Variants in CFAP418 observed in about 807,000 individuals in gnomAD.
CFAP418 encodes the protein cilia- and flagella-associated protein 418.
CFAP418 carries 27 observed loss-of-function variants against 24.7 expected under a neutral mutation model. The ratio of observed to expected loss-of-function variants is 1.09; its 90% confidence interval spans 0.81 to 1.51. The LOEUF (loss-of-function observed/expected upper bound fraction) is 1.51. Ranked by LOEUF, CFAP418 falls within the 40% of genes most tolerant of loss-of-function variation. CFAP418 has a pLI of 0.00. For synonymous variants in CFAP418, 74 were observed against 87.3 expected, an observed-to-expected ratio of 0.85 and a Z score of 0.85; for missense variants, 257 against 255.2, an observed-to-expected ratio of 1.01 and a Z score of -0.05.
In CFAP418 at chr8:95,263,690, G is replaced by C. The variant is rs1443069813; in HGVS notation, c.240C>G (p.Pro80=). The change falls in exon 2 of 6, where the codon CCC becomes CCG. Residue 80 remains proline (P), a synonymous_variant. Coordinates refer to ENST00000286688, the MANE Select transcript of CFAP418 (RefSeq NM_177965.4). The stretch of plus-strand genomic sequence containing the variant: ...ATATTTATAACACTTGACTTACAGA[G>C]GGTTTTTTGTCCAAGTTGGGCTCTT... The part of the protein sequence containing the change: ...ILEEPNLDKK[P]SKLKSKSSGN... 1.3e-6 allele frequency: 2 copies of C among 1,582,094 alleles called. No homozygotes were observed. The highest frequency in any genetic ancestry group is 1.7e-6 in the Non-Finnish European group (2 of 1,151,938).
intron 1 of CFAP418, 65 bp downstream of exon 1, chr8:95,268,970 A>AG (rs1812086807): frequency 6.5e-7 from 1 of 1,529,678 alleles, no homozygotes; most frequent in Non-Finnish European, 8.9e-7. Flanking sequence ...TGGGCGGCGG[A>AG]GGGGCAGCTC....
At chr8:95,250,143 T>C (rs1474211957) in intron 5 of CFAP418, among the ~76,000 whole-genome samples, 2 of 152,192 alleles carry the variant, frequency 1.3e-5, no homozygotes, top group African/African-American at 4.8e-5. Context: ...TAAACACCAA[T>C]ATATTGTACA....
intron 5 of CFAP418, among the ~76,000 whole-genome samples, chr8:95,248,236 T>C (rs1811657228): frequency 6.6e-6 from 1 of 152,228 alleles, no homozygotes; most frequent in South Asian, 2.1e-4. Flanking sequence ...TTTCTGATGG[T>C]ATTTCTTTGA....
chr8:95,245,374 T>A lies in CFAP418; in HGVS notation c.*2243A>T, dbSNP rs935844627. 6 of 152,198 alleles carry A rather than the reference T, an allele frequency of 3.9e-5. No homozygotes were observed. 9.4% of individuals were successfully genotyped at this position (152,198 alleles called of 1,614,324 possible). Reference sequence around the variant, plus strand: ...CATTGGGGGATTATTATAATTATTATGTTATGGAATGCCAAACATAGGCAA... The same window carrying A: ...CATTGGGGGATTATTATAATTATTAAGTTATGGAATGCCAAACATAGGCAA... On this transcript the variant is annotated 3_prime_UTR_variant, in exon 6 of 6. Coordinates refer to ENST00000286688, the MANE Select transcript of CFAP418 (RefSeq NM_177965.4).
intron 2 of CFAP418, 142 bp from the exon 3 acceptor site, chr8:95,260,674 A>G (rs1049343213): frequency 1.8e-6 from 1 of 547,334 alleles, no homozygotes; most frequent in African/African-American, 2.0e-5. Flanking sequence ...TTCTGAAATA[A>G]AAACAATGAT....
intron 4 of CFAP418, among the ~76,000 whole-genome samples, chr8:95,256,254 A>G (rs1347155552): frequency 6.6e-6 from 1 of 152,236 alleles, no homozygotes; most frequent in Non-Finnish European, 1.5e-5. Context: ...TAAAAACAGA[A>G]GGCACCTGTA....
intron 4 of CFAP418, 89 bp from the exon 5 acceptor site, chr8:95,252,372 A>G: frequency 1.3e-6 from 1 of 763,052 alleles, no homozygotes. Context: ...AGGATACACC[A>G]CATATTACAG....
chr8:95,250,966 T>C (rs995320354), intron 5 of CFAP418, among the ~76,000 whole-genome samples: 4 of 152,218 alleles, frequency 2.6e-5, no homozygotes, highest in Non-Finnish European at 4.4e-5. Context: ...CTTTTCTTTA[T>C]GCTATTGAAA....
At chr8:95,249,208 T>TA (rs759925020) in intron 5 of CFAP418, among the ~76,000 whole-genome samples, 39 of 152,230 alleles carry the variant, frequency 2.6e-4, no homozygotes, top group Non-Finnish European at 5.0e-4. Context: ...GGGATCTAAT[T>TA]ATGACATTTG....
At chr8:95,258,443 A>G (rs933301011) in intron 4 of CFAP418, among the ~76,000 whole-genome samples, 3 of 151,654 alleles carry the variant, frequency 2.0e-5, no homozygotes, top group Non-Finnish European at 4.4e-5. Flanking sequence ...TTATAGAATA[A>G]GGATACAAAG....
At chr8:95,262,308 C>T (rs1243212586) in intron 2 of CFAP418, among the ~76,000 whole-genome samples, 1 of 152,140 alleles carries the variant, frequency 6.6e-6, no homozygotes, top group Admixed American at 6.5e-5. Context: ...TATTAATTTA[C>T]TTCAGGTGAA....
chr8:95,255,837 A>G (rs1328194487), intron 4 of CFAP418, among the ~76,000 whole-genome samples: 2 of 152,236 alleles, frequency 1.3e-5, no homozygotes, highest in Non-Finnish European at 1.5e-5. Flanking sequence ...TGGACAGTAT[A>G]AAGTACTTCA....
At chr8:95,263,609 T>C (rs1028324661) in intron 2 of CFAP418, 78 bp downstream of exon 2, 2 of 834,194 alleles carry the variant, frequency 2.4e-6, no homozygotes, top group African/African-American at 3.4e-5. Flanking sequence ...GGTAGCTACT[T>C]GTGTCATCTT....
At chr8:95,267,848 A>G (rs1297537388) in intron 1 of CFAP418, among the ~76,000 whole-genome samples, 1 of 152,074 alleles carries the variant, frequency 6.6e-6, no homozygotes, top group Non-Finnish European at 1.5e-5. Flanking sequence ...AGAGTTACTG[A>G]AGGTCAATAT....
intron 1 of CFAP418, 163 bp downstream of exon 1, chr8:95,268,872 G>T (rs1347825847): frequency 2.7e-6 from 2 of 732,582 alleles, no homozygotes; most frequent in Non-Finnish European, 4.5e-6. Flanking sequence ...GAGGGTCGAC[G>T]AATGCGCTGC....
At chr8:95,254,363 C>T (rs372004264) in intron 4 of CFAP418, among the ~76,000 whole-genome samples, 13 of 152,294 alleles carry the variant, frequency 8.5e-5, no homozygotes, top group Admixed American at 5.2e-4. Flanking sequence ...AATCAAACAA[C>T]GCAAATAGGC....
At position 95,269,157 on chromosome 8, in the gene CFAP418, T is replaced by G. The variant is rs746869298; in HGVS notation, c.33A>C (p.Glu11Asp). The stretch of plus-strand genomic sequence containing the variant: ...CAGGTGTGCAAAACTTGGACTCGAC[T>G]TCATCCAAGAGCTCGTCCAGGTCCT... MAEDLDELLDEVESKFCTPDL... is the reference protein window; with the variant it reads MAEDLDELLDDVESKFCTPDL... The change falls in exon 1 of 6, where the codon GAA becomes GAC. Residue 11 changes from glutamate to aspartate, a missense_variant. Glu to Asp is a conservative substitution (Grantham distance 45). Transcript: ENST00000286688. 1.2e-6 allele frequency: 2 copies of G among 1,614,188 alleles called. No homozygotes were observed. Among genetic ancestry groups the G allele is most frequent in the South Asian group, 2.2e-5 (2 of 91,090 alleles).
chr8:95,253,533 C>T (rs978314273), intron 4 of CFAP418, among the ~76,000 whole-genome samples: 5 of 152,012 alleles, frequency 3.3e-5, no homozygotes, highest in African/African-American at 7.2e-5. Flanking sequence ...AGTTCAGATA[C>T]GCTAATTTCA....
Position 95,245,770 on chromosome 8 carries a change from T to C in CFAP418, c.*1847A>G, listed in dbSNP as rs1811609364. 1 of 152,156 alleles carries C rather than the reference T, an allele frequency of 6.6e-6. No homozygotes were observed. Among genetic ancestry groups the C allele is most frequent in the African/African-American group, 2.4e-5 (1 of 41,422 alleles). The allele number at this position is 152,156 out of a possible 1,614,324, so 9.4% of individuals were successfully genotyped here. A position where few individuals can be genotyped will look rare whatever the true frequency, so the allele number is the denominator to read the frequency against. On this transcript the variant is annotated 3_prime_UTR_variant, in exon 6 of 6. Transcript: ENST00000286688. Reference sequence around the variant, plus strand: ...AAATTTTTTTTTTCAAATTAGTGATTTAGTAAATTTGCTTACTGGAATAAA... The same window carrying C: ...AAATTTTTTTTTTCAAATTAGTGATCTAGTAAATTTGCTTACTGGAATAAA...
Sources: allele counts gnomAD v4.1 joint callset (sites outside exome capture counted in the v4.1 genomes callset), GRCh38; gene constraint gnomAD v4.1.1; transcripts MANE v1.5; gene names NCBI Gene and HGNC (gene_info 2026-07-23, HGNC 2026-07-21).